The following LRRC4C variants were observed in gnomAD, a reference collection of about 807,000 sequenced individuals.
The protein encoded by LRRC4C is leucine rich repeat containing 4C.
In LRRC4C, 5 loss-of-function variants were observed where a neutral mutation model predicts 33.6. That is an observed-to-expected ratio of 0.15 (90% CI 0.08 to 0.31). LRRC4C has a LOEUF of 0.31. LRRC4C is among the 10% of genes least tolerant of loss of function. The pLI, the probability that LRRC4C is intolerant of heterozygous loss-of-function variation, is 1.00. For missense variants in LRRC4C, 560 were observed against 796.7 expected (o/e 0.70, Z 3.58); for synonymous variants, 329 against 302.0 (o/e 1.09, Z -0.93).
At chr11:41,316,193 A>C in intron 1 of LRRC4C, among the ~76,000 whole-genome samples, 1 of 143,662 alleles carries the variant, frequency 7.0e-6, no homozygotes. Context: ...TTTCTCTATA[A>C]CTGGGGGTGA....
At chr11:40,728,009 C>T (rs988199159) in intron 2 of LRRC4C, among the ~76,000 whole-genome samples, 5 of 152,012 alleles carry the variant, frequency 3.3e-5, no homozygotes, top group Non-Finnish European at 7.4e-5. Flanking sequence ...TGCCACTGCT[C>T]TCCAGCCTGG....
At chr11:40,463,592 A>G (rs1437457332) in intron 3 of LRRC4C, among the ~76,000 whole-genome samples, 1 of 152,106 alleles carries the variant, frequency 6.6e-6, no homozygotes, top group African/African-American at 2.4e-5. Context: ...AATGTAAAAA[A>G]GAAGTTTGGA....
At chr11:40,309,557 G>A (rs1035539086) in intron 4 of LRRC4C, among the ~76,000 whole-genome samples, 4 of 150,992 alleles carry the variant, frequency 2.6e-5, no homozygotes, top group African/African-American at 9.8e-5. Context: ...TGTTGCTGGA[G>A]TGCAATTGCA....
chr11:40,809,833 C>A (rs1951413464), intron 2 of LRRC4C, among the ~76,000 whole-genome samples: 1 of 152,160 alleles, frequency 6.6e-6, no homozygotes, highest in South Asian at 2.1e-4. Context: ...TTATACTATT[C>A]TCCCTGAAAT....
chr11:41,297,987 A>G (rs994236705), intron 1 of LRRC4C, among the ~76,000 whole-genome samples: 2 of 152,200 alleles, frequency 1.3e-5, no homozygotes, highest in African/African-American at 4.8e-5. Context: ...CCCTTATATC[A>G]ATCAGGAGAT....
chr11:41,018,458 C>A (rs769365137), intron 1 of LRRC4C, among the ~76,000 whole-genome samples: 18 of 152,146 alleles, frequency 1.2e-4, no homozygotes, highest in Non-Finnish European at 1.9e-4. Context: ...TTCAGCACAA[C>A]CCAGCAGGTT....
At chr11:41,357,331 T>C (rs1423043183) in intron 1 of LRRC4C, among the ~76,000 whole-genome samples, 4 of 152,178 alleles carry the variant, frequency 2.6e-5, no homozygotes, top group Non-Finnish European at 2.9e-5. Flanking sequence ...TTTTAGGTAG[T>C]AGTGGTAAAG....
chr11:40,363,227 TA>T (rs1484323085), intron 3 of LRRC4C, among the ~76,000 whole-genome samples: 2 of 152,088 alleles, frequency 1.3e-5, no homozygotes, highest in African/African-American at 4.8e-5. Context: ...TATGCAGCCA[TA>T]AAAAAGAATG....
chr11:40,196,271 G>A (rs10768586), intron 5 of LRRC4C, among the ~76,000 whole-genome samples: 66,265 of 151,966 alleles, frequency 0.44, 14,706 homozygotes, highest in East Asian at 0.59. Context: ...GGACACACAG[G>A]AACAAAACCT....
intron 2 of LRRC4C, among the ~76,000 whole-genome samples, chr11:40,916,089 A>T (rs1207944505): frequency 8.5e-5 from 13 of 152,294 alleles, no homozygotes; most frequent in Admixed American, 3.9e-4. Flanking sequence ...ACACTTTTAC[A>T]CTGTTGGTGG....
At chr11:40,689,143 T>C (rs1032823919) in intron 2 of LRRC4C, among the ~76,000 whole-genome samples, 4 of 152,114 alleles carry the variant, frequency 2.6e-5, no homozygotes, top group African/African-American at 9.7e-5. Context: ...GATGTATAAA[T>C]GAGAAAAGGA....
At chr11:41,212,625 A>AC (rs1159882406) in intron 1 of LRRC4C, among the ~76,000 whole-genome samples, 1 of 151,910 alleles carries the variant, frequency 6.6e-6, no homozygotes, top group Non-Finnish European at 1.5e-5. Context: ...ATGTGTTCTC[A>AC]CCATTCAGCT....
intron 1 of LRRC4C, among the ~76,000 whole-genome samples, chr11:41,323,333 C>G (rs761749655): frequency 6.6e-6 from 1 of 151,964 alleles, no homozygotes; most frequent in Non-Finnish European, 1.5e-5. Context: ...CCAATCTTTT[C>G]CAAGAGAAAT....
intron 1 of LRRC4C, among the ~76,000 whole-genome samples, chr11:41,176,516 T>G (rs1945204680): frequency 6.6e-6 from 1 of 151,900 alleles, no homozygotes; most frequent in Non-Finnish European, 1.5e-5. Context: ...TCAGGTGTAG[T>G]TCTAGACATG....
intron 3 of LRRC4C, among the ~76,000 whole-genome samples, chr11:40,393,950 T>A (rs903489689): frequency 3.3e-5 from 5 of 151,902 alleles, no homozygotes; most frequent in Admixed American, 2.0e-4. Flanking sequence ...AGAAAAAAAA[T>A]GGATCAGTTT....
intron 1 of LRRC4C, among the ~76,000 whole-genome samples, chr11:41,225,582 T>C (rs561176338): frequency 3.2e-4 from 49 of 152,294 alleles, no homozygotes; most frequent in Non-Finnish European, 5.0e-4. Flanking sequence ...GAGGATTGCT[T>C]GAGCCCAGGA....
At chr11:41,124,844 A>G (rs922968000) in intron 1 of LRRC4C, among the ~76,000 whole-genome samples, 2 of 152,170 alleles carry the variant, frequency 1.3e-5, no homozygotes, top group Non-Finnish European at 2.9e-5. Flanking sequence ...AAGGCTTTTG[A>G]AAGAGAAATG....
chr11:40,280,873 G>A (rs1943427112), intron 4 of LRRC4C, among the ~76,000 whole-genome samples: 2 of 152,146 alleles, frequency 1.3e-5, no homozygotes, highest in African/African-American at 4.8e-5. Context: ...GTAAACAGAC[G>A]GGGGAAAACA....
chr11:41,288,570 T>C (rs1949901999), intron 1 of LRRC4C, among the ~76,000 whole-genome samples: 1 of 152,176 alleles, frequency 6.6e-6, no homozygotes, highest in Admixed American at 6.5e-5. Flanking sequence ...AGTAAATAAG[T>C]AGTTGCATAT....
Sources: allele counts gnomAD v4.1 joint callset (sites outside exome capture counted in the v4.1 genomes callset), GRCh38; gene constraint gnomAD v4.1.1; transcripts MANE v1.5; gene names NCBI Gene and HGNC (gene_info 2026-07-23, HGNC 2026-07-21).